Variants in TEFM observed in about 807,000 individuals in gnomAD.
TEFM encodes the protein transcription elongation factor of mitochondria.
TEFM carries 14 observed loss-of-function variants against 23.0 expected under a neutral mutation model. The ratio of observed to expected loss-of-function variants is 0.61; its 90% confidence interval spans 0.40 to 0.95. The LOEUF (loss-of-function observed/expected upper bound fraction) is 0.95. TEFM is among the 40% of genes least tolerant of loss of function. TEFM has a pLI of 0.00. For synonymous variants in TEFM, 155 were observed against 158.3 expected (o/e 0.98, Z 0.16); for missense variants, 386 against 425.5 (o/e 0.91, Z 0.82).
At position 30,906,206 on chromosome 17, in the gene TEFM, T is replaced by C. The variant is rs952332091; in HGVS notation, c.-8A>G. 2 of 1,614,130 alleles carry C rather than the reference T, an allele frequency of 1.2e-6. No homozygotes were observed. Among genetic ancestry groups the C allele is most frequent in the African/African-American group, 2.7e-5 (2 of 74,946 alleles). Reference sequence around the variant, plus strand: ...GAGGACAGACCCGCTCATCTCCAAGTTGAATCAGTAGGTCCAGTCTTCCTC... The same window carrying C: ...GAGGACAGACCCGCTCATCTCCAAGCTGAATCAGTAGGTCCAGTCTTCCTC... On this transcript the variant is annotated 5_prime_UTR_variant, in exon 1 of 4. Coordinates refer to ENST00000581216, the MANE Select transcript of TEFM (RefSeq NM_024683.4).
At position 30,899,313 on chromosome 17, in the gene TEFM, AG is replaced by A. The variant is rs1392164231; in HGVS notation, c.938del (p.Pro313LeufsTer10). 1.2e-6 allele frequency: 2 copies of A among 1,614,246 alleles called. No homozygotes were observed. The highest frequency in any genetic ancestry group is 3.3e-5 in the Admixed American group (2 of 60,028). On this transcript the variant is annotated frameshift_variant, in exon 4 of 4. Coordinates refer to ENST00000581216, the MANE Select transcript of TEFM (RefSeq NM_024683.4). LOFTEE classifies it low-confidence loss of function (END_TRUNC). ...TTTTATCTGATGGGAAGAACACCCG[AG>A]GATCCGCCTTCAGTATAGAATCGAA... ...FLFDSILKADPRVFFPSDKIV... is the reference protein window; with the variant it reads ...FLFDSILKADXRVFFPSDKIV...
At chr17:30,903,984 C>T in intron 2 of TEFM, 82 bp downstream of exon 2, 1 of 1,283,324 alleles carries the variant, frequency 7.8e-7, no homozygotes, top group Non-Finnish European at 1.1e-6. Flanking sequence ...GTCTTAGCCA[C>T]TTCCCAACCC....
At chr17:30,901,790 C>G (rs937641005) in intron 2 of TEFM, among the ~76,000 whole-genome samples, 3 of 152,078 alleles carry the variant, frequency 2.0e-5, no homozygotes, top group African/African-American at 4.8e-5. Context: ...CTGGAGGGAA[C>G]TAAAGGTAGG....
chr17:30,901,478 C>G (rs564793358), intron 2 of TEFM, among the ~76,000 whole-genome samples: 15 of 152,082 alleles, frequency 9.9e-5, no homozygotes, highest in Non-Finnish European at 1.5e-4. Flanking sequence ...ATAAGAAATG[C>G]CACCATAAAA....
intron 1 of TEFM, among the ~76,000 whole-genome samples, chr17:30,905,759 T>G (rs1054057811): frequency 2.6e-5 from 4 of 152,178 alleles, no homozygotes; most frequent in Non-Finnish European, 2.9e-5. Context: ...GAAGTCACTC[T>G]AACATCGCAG....
At chr17:30,901,071 A>G (rs11658256) in intron 2 of TEFM, among the ~76,000 whole-genome samples, 35,810 of 151,948 alleles carry the variant, frequency 0.24, 6,428 homozygotes, top group African/African-American at 0.5. Context: ...CACCCAGGCT[A>G]GAGTGCAGTG....
At chr17:30,899,704 TA>T (rs1214989650) in intron 3 of TEFM, 98 bp from the exon 4 acceptor site, 1 of 799,134 alleles carries the variant, frequency 1.3e-6, no homozygotes, top group Non-Finnish European at 1.8e-6. Context: ...ATATTATAAT[TA>T]GTTAATTTAT....
chr17:30,905,120 T>A (rs981825476), intron 1 of TEFM, among the ~76,000 whole-genome samples: 2 of 152,214 alleles, frequency 1.3e-5, no homozygotes, highest in South Asian at 4.1e-4. Flanking sequence ...GAAAATTGTA[T>A]TTTATACCCA....
In TEFM at chr17:30,899,466, A is replaced by C. The variant is rs767319524; in HGVS notation, c.786T>G (p.Asn262Lys). Reference protein sequence around the residue: ...IMEAMLYALLNKTFAQDGQHQ... With the variant: ...IMEAMLYALLKKTFAQDGQHQ... ...GCTGCCCATCCTGGGCAAAAGTTTT[A>C]TTTAATAAGGCATACAGCATGGCTT... The change falls in exon 4 of 4, where the codon AAT becomes AAG. Residue 262 changes from asparagine (N) to lysine (K), a missense_variant. Coordinates refer to ENST00000581216, the MANE Select transcript of TEFM (RefSeq NM_024683.4). The C allele has an allele frequency of 6.2e-7, 1 of 1,614,194 alleles. No individual in the cohort carries two copies. The highest frequency in any genetic ancestry group is 8.5e-7 in the Non-Finnish European group (1 of 1,180,026).
At chr17:30,903,232 T>G (rs968760802) in intron 2 of TEFM, among the ~76,000 whole-genome samples, 2 of 149,122 alleles carry the variant, frequency 1.3e-5, no homozygotes, top group African/African-American at 4.9e-5. Flanking sequence ...GAATGGTGTT[T>G]TTTTTTTTTT....
chr17:30,903,225 T>C (rs1910084850), intron 2 of TEFM, among the ~76,000 whole-genome samples: 1 of 146,280 alleles, frequency 6.8e-6, no homozygotes, highest in Non-Finnish European at 1.5e-5. Context: ...GCTTTTAGAA[T>C]GGTGTTTTTT....
rs755500588 is a variant in TEFM, at chr17:30,906,209, A to G, written c.-11T>C. 6 of 1,614,134 alleles carry G rather than the reference A, an allele frequency of 3.7e-6. No homozygotes were observed. Among genetic ancestry groups the G allele is most frequent in the Non-Finnish European group, 4.2e-6 (5 of 1,180,058 alleles). On this transcript the variant is annotated 5_prime_UTR_variant, in exon 1 of 4. Coordinates refer to ENST00000581216, the MANE Select transcript of TEFM (RefSeq NM_024683.4). ...GACAGACCCGCTCATCTCCAAGTTG[A>G]ATCAGTAGGTCCAGTCTTCCTCCAT...
chr17:30,903,879 C>T (rs898055498), intron 2 of TEFM, 187 bp downstream of exon 2: 1 of 551,396 alleles, frequency 1.8e-6, no homozygotes, highest in Non-Finnish European at 3.1e-6. Context: ...AGTCACAGCC[C>T]ATTGTTTTCT....
chr17:30,902,011 T>G (rs549597446), intron 2 of TEFM, among the ~76,000 whole-genome samples: 40 of 152,202 alleles, frequency 2.6e-4, no homozygotes, highest in African/African-American at 8.4e-4. Context: ...GGAAGAAATT[T>G]TTTTGTTTTG....
chr17:30,899,151 C>A lies in TEFM; in HGVS notation c.*18G>T. The A allele has an allele frequency of 6.5e-7, 1 of 1,543,774 alleles. No homozygotes were observed. The highest frequency in any genetic ancestry group is 8.7e-7 in the Non-Finnish European group (1 of 1,146,112). On this transcript the variant is annotated 3_prime_UTR_variant, in exon 4 of 4. Transcript: ENST00000581216. ...GTTAGAGCTAATAATTATACTTTAG[C>A]ACGTTAACCTCAGAATTCTAAGGCT...
rs1909978181 is a variant in TEFM at position 30,898,997 on chromosome 17, G to GT, written c.*171dup. The GT allele has an allele frequency of 1.6e-6, 1 of 607,952 alleles. No individual in the cohort carries two copies. Among genetic ancestry groups the GT allele is most frequent in the African/African-American group, 1.8e-5 (1 of 54,812 alleles). The allele number at this position is 607,952 out of a possible 1,614,324, so 37.7% of individuals were successfully genotyped here. ...TGAGAGGCACAGAATCTCATAAAAT[G>GT]TTTATTGATTTGGTCTTGGCTTATT... On this transcript the variant is annotated 3_prime_UTR_variant, in exon 4 of 4. Transcript: ENST00000581216.
chr17:30,900,284 G>T, intron 3 of TEFM, 129 bp downstream of exon 3: 2 of 896,462 alleles, frequency 2.2e-6, no homozygotes, highest in Non-Finnish European at 3.3e-6. Flanking sequence ...AACATAATAG[G>T]AATAAGTGAG....
At position 30,900,575 on chromosome 17, in the gene TEFM, A is replaced by G. The variant is rs1462606052; in HGVS notation, c.496-13T>C. On this transcript the variant is annotated splice_polypyrimidine_tract_variant and intron_variant, in intron 2 of 3. Coordinates refer to ENST00000581216, the MANE Select transcript of TEFM (RefSeq NM_024683.4). ...TACTATTAACTGCCTAAAAGAAAAG[A>G]CTGATTTAATTAGAAGTATAAACAT... 2 of 1,606,024 alleles carry G rather than the reference A, an allele frequency of 1.2e-6. No individual in the cohort carries two copies. The highest frequency in any genetic ancestry group is 1.3e-5 in the African/African-American group (1 of 74,524).
At position 30,899,574 on chromosome 17, in the gene TEFM, T is replaced by C. The variant is rs935233842; in HGVS notation, c.678A>G (p.Ala226=). The part of the protein sequence containing the change: ...ISSIISKMPK[A]DFYVLEKTGL... ...CTGTTTTTTCCAGAACATAGAAATC[T>C]GCTTTAGGCATCTTTGAAATGATCG... Residue 226 remains alanine (A), a synonymous_variant, in exon 4 of 4, where the codon GCA becomes GCG. Transcript: ENST00000581216. The C allele has an allele frequency of 6.4e-7, 1 of 1,567,758 alleles. No homozygotes were observed.
Sources: allele counts gnomAD v4.1 joint callset (sites outside exome capture counted in the v4.1 genomes callset), GRCh38; gene constraint gnomAD v4.1.1; transcripts MANE v1.5; gene names NCBI Gene and HGNC (gene_info 2026-07-23, HGNC 2026-07-21).